Variants in GALNT5 observed in about 807,000 individuals in gnomAD.
GALNT5 encodes the protein UDP-GalNAc:polypeptide N-acetylgalactosaminyltransferase 5.
In GALNT5, 72 loss-of-function variants were observed where a neutral mutation model predicts 85.4. The observed-to-expected ratio is 0.84, with a 90% CI of 0.70 to 1.03. The LOEUF is 1.03. GALNT5 is among the 50% of genes least tolerant of loss of function. The pLI is 0.00. For missense variants in GALNT5, 1,137 were observed against 1,135.5 expected, an observed-to-expected ratio of 1.00 and a Z score of -0.02; for synonymous variants, 404 against 397.0, an observed-to-expected ratio of 1.02 and a Z score of -0.21.
chr2:157,300,871 G>C lies in GALNT5; in HGVS notation c.2311G>C (p.Gly771Arg). 1 of 1,613,982 alleles carries C rather than the reference G, an allele frequency of 6.2e-7. No homozygotes were observed. Among genetic ancestry groups the C allele is most frequent in the Non-Finnish European group, 8.5e-7 (1 of 1,179,910 alleles). ...CCACGGAGACCACCTCATCGACCAA[G>C]GGCTAGATGTTGGCAACCTCACCCA... ...YGHGDHLIDQ[G>R]LDVGNLTQQR... The change falls in exon 7 of 10, where the codon GGG becomes CGG. Residue 771 changes from glycine (G) to arginine (R), a missense_variant. Physicochemically the swap from Gly to Arg is moderately radical, Grantham distance 125 (BLOSUM62 -2). Coordinates refer to ENST00000259056, the MANE Select transcript of GALNT5 (RefSeq NM_014568.3).
chr2:157,272,294 C>A (rs181238928), intron 1 of GALNT5, among the ~76,000 whole-genome samples: 1 of 152,254 alleles, frequency 6.6e-6, no homozygotes, highest in East Asian at 1.9e-4. Flanking sequence ...ATCTACCCTC[C>A]TATTTCTTTC....
At chr2:157,292,649 C>T (rs1269642465) in intron 3 of GALNT5, among the ~76,000 whole-genome samples, 2 of 151,802 alleles carry the variant, frequency 1.3e-5, no homozygotes, top group East Asian at 1.9e-4. Context: ...GGACAGGTGG[C>T]GTAGTAAAGA....
chr2:157,271,793 ATAAGT>A (rs1161370712), intron 1 of GALNT5, among the ~76,000 whole-genome samples: 6 of 152,338 alleles, frequency 3.9e-5, no homozygotes, highest in East Asian at 3.9e-4. Flanking sequence ...TTGTTTGGAT[ATAAGT>A]TAAGTCTGCA....
intron 1 of GALNT5, among the ~76,000 whole-genome samples, chr2:157,271,793 A>G (rs372387309): frequency 5.9e-5 from 9 of 152,338 alleles, no homozygotes; most frequent in African/African-American, 1.9e-4. Flanking sequence ...TTGTTTGGAT[A>G]TAAGTTAAGT....
intron 2 of GALNT5, among the ~76,000 whole-genome samples, chr2:157,285,064 C>A (rs1682941456): frequency 6.6e-6 from 1 of 152,178 alleles, no homozygotes; most frequent in Non-Finnish European, 1.5e-5. Flanking sequence ...GGTCTGACAG[C>A]CACATTACAA....
intron 1 of GALNT5, among the ~76,000 whole-genome samples, chr2:157,272,781 A>AG (rs1265262579): frequency 3.3e-5 from 5 of 152,150 alleles, no homozygotes; most frequent in African/African-American, 9.7e-5. Context: ...TCCACCATTG[A>AG]GGGGCACCTA....
intron 1 of GALNT5, among the ~76,000 whole-genome samples, chr2:157,274,955 C>T (rs80050884): frequency 0.16 from 23,654 of 152,144 alleles, 2,379 homozygotes; most frequent in East Asian, 0.46. Context: ...AGGGTTTTTA[C>T]GGTTTTAGGT....
At position 157,284,340 on chromosome 2, in the gene GALNT5, G is replaced by T; in HGVS notation, c.1513G>T (p.Val505Leu). 1 of 1,613,982 alleles carries T rather than the reference G, an allele frequency of 6.2e-7. No individual in the cohort carries two copies. The highest frequency in any genetic ancestry group is 8.5e-7 in the Non-Finnish European group (1 of 1,179,882). The change falls in exon 2 of 10, where the codon GTG becomes TTG. Residue 505 changes from valine (V) to leucine (L), a missense_variant. Coordinates refer to ENST00000259056, the MANE Select transcript of GALNT5 (RefSeq NM_014568.3). ...AACCACCAGTGTCATCATGTGCTTT[G>T]TGGATGAAGTGTGGTCCACTCTCCT... ...LPTTSVIMCF[V>L]DEVWSTLLRS...
At position 157,317,997 on chromosome 2, in the gene GALNT5, A is replaced by G. The variant is rs1683755921; in HGVS notation, c.*6649A>G. 6.6e-6 allele frequency among the ~76,000 whole-genome samples: 1 copy of G among 152,166 alleles called. No individual in the cohort carries two copies. The highest frequency in any genetic ancestry group is 2.4e-5 in the African/African-American group (1 of 41,450). ...TGGTATGTTTCTGTCTGATACTTTA[A>G]TATTGGTAAATATAGTTTTTGACAT... On this transcript the variant is annotated 3_prime_UTR_variant, in exon 10 of 10. Coordinates refer to ENST00000259056, the MANE Select transcript of GALNT5 (RefSeq NM_014568.3).
chr2:157,258,312 C>T lies in GALNT5; in HGVS notation c.230C>T (p.Pro77Leu), dbSNP rs3739112. The part of the protein sequence containing the change: ...FYSSIKEMKP[P>L]LRGHGKGAWG... Reference sequence around the variant, plus strand: ...AGCAGCATAAAAGAGATGAAACCTCCCCTAAGGGGACATGGGAAAGGGGCA... The same window carrying T: ...AGCAGCATAAAAGAGATGAAACCTCTCCTAAGGGGACATGGGAAAGGGGCA... Residue 77 changes from proline (P) to leucine (L), a missense_variant, in exon 1 of 10, where the codon CCC becomes CTC. Physicochemically the swap from Pro to Leu is moderately conservative, Grantham distance 98 (BLOSUM62 -3). Transcript: ENST00000259056. 13,974 of 1,596,906 alleles carry T rather than the reference C, an allele frequency of 8.8e-3. 769 individuals carry two copies. The East Asian group carries it at 0.16, about 18-fold the overall frequency.
intron 1 of GALNT5, among the ~76,000 whole-genome samples, chr2:157,270,165 C>T (rs1352647807): frequency 6.6e-6 from 1 of 152,170 alleles, no homozygotes; most frequent in Non-Finnish European, 1.5e-5. Context: ...AACATTCAAC[C>T]ACCTTACACC....
At chr2:157,277,405 A>C (rs1485646294) in intron 1 of GALNT5, among the ~76,000 whole-genome samples, 2 of 152,138 alleles carry the variant, frequency 1.3e-5, no homozygotes, top group Non-Finnish European at 2.9e-5. Context: ...GATCTGTCTA[A>C]TATTGACAGT....
intron 1 of GALNT5, among the ~76,000 whole-genome samples, chr2:157,278,513 T>C (rs1342531294): frequency 6.6e-6 from 1 of 152,200 alleles, no homozygotes; most frequent in African/African-American, 2.4e-5. Context: ...TGTTCATTTC[T>C]TTTTCCTCTT....
Position 157,296,478 on chromosome 2 carries a change from T to C in GALNT5, c.1962T>C (p.Ile654=). 6.2e-7 allele frequency: 1 copy of C among 1,610,160 alleles called. No homozygotes were observed. The highest frequency in any genetic ancestry group is 8.5e-7 in the Non-Finnish European group (1 of 1,176,572). ...GGAGAACAATTCCTCCAGATGTCAT[T>C]GCAAAAAACAGAATTAAAGAAACTG... is the stretch of plus-strand genomic sequence containing the variant. ...FGWRTIPPDV[I]AKNRIKETDT... Residue 654 remains isoleucine (I), a synonymous_variant, in exon 5 of 10, where the codon ATT becomes ATC. Transcript: ENST00000259056.
chr2:157,289,121 A>G (rs749243722), intron 3 of GALNT5, among the ~76,000 whole-genome samples: 7 of 149,520 alleles, frequency 4.7e-5, no homozygotes, highest in African/African-American at 1.0e-4. Context: ...TACTTATTTA[A>G]AAATTTTCTC....
intron 3 of GALNT5, among the ~76,000 whole-genome samples, chr2:157,289,700 C>A (rs1394987264): frequency 6.6e-6 from 1 of 151,982 alleles, no homozygotes; most frequent in Admixed American, 6.6e-5. Context: ...ATTGACCTAC[C>A]CCTTTGTAAA....
At chr2:157,309,781 T>C (rs917112206) in intron 9 of GALNT5, among the ~76,000 whole-genome samples, 1 of 152,226 alleles carries the variant, frequency 6.6e-6, no homozygotes, top group African/African-American at 2.4e-5. Flanking sequence ...ATCTTCTCTG[T>C]TGTATTTCAA....
At position 157,286,121 on chromosome 2, in the gene GALNT5, A is replaced by G. The variant is rs769272418; in HGVS notation, c.1728A>G (p.Ala576=). Residue 576 remains alanine, a synonymous_variant, in exon 3 of 10, where the codon GCA becomes GCG. Transcript: ENST00000259056. The stretch of plus-strand genomic sequence containing the variant: ...TAATAAGGGCCAGGCTGGCAGGAGC[A>G]CAGAATGCAACAGGTAAGAAGTTAC... ...HGLIRARLAG[A]QNATGDVLTF... is the part of the protein sequence containing the mutation. 1 of 1,613,144 alleles carries G rather than the reference A, an allele frequency of 6.2e-7. No homozygotes were observed. The highest frequency in any genetic ancestry group is 8.5e-7 in the Non-Finnish European group (1 of 1,179,280).
chr2:157,282,358 C>A (rs1459320308), intron 1 of GALNT5, among the ~76,000 whole-genome samples: 1 of 151,864 alleles, frequency 6.6e-6, no homozygotes, highest in Non-Finnish European at 1.5e-5. Context: ...TTTGTGTTTT[C>A]TTTTATTTGT....
Sources: gnomAD v4.1 joint callset for allele counts (sites outside exome capture counted in the v4.1 genomes callset) on GRCh38, gnomAD v4.1.1 for gene constraint, MANE v1.5 for transcripts, NCBI Gene and HGNC (gene_info 2026-07-23, HGNC 2026-07-21) for gene names.